CLPX: variants seen among roughly 807,000 people sequenced by gnomAD.
CLPX encodes the protein caseinolytic mitochondrial matrix peptidase chaperone subunit X.
A neutral mutation model predicts 76.4 loss-of-function variants in CLPX; 34 were observed. The ratio of observed to expected loss-of-function variants is 0.45; its 90% confidence interval spans 0.34 to 0.59. The LOEUF is 0.59. Ranked by LOEUF, CLPX falls within the 20% of genes least tolerant of loss-of-function variation. CLPX has a pLI of 0.01. For missense variants in CLPX, 613 were observed against 757.0 expected, an observed-to-expected ratio of 0.81 and a Z score of 2.23; for synonymous variants, 248 against 270.9, an observed-to-expected ratio of 0.92 and a Z score of 0.83.
At chr15:65,170,616 T>G (rs1197339165) in intron 3 of CLPX, among the ~76,000 whole-genome samples, 1 of 151,602 alleles carries the variant, frequency 6.6e-6, no homozygotes, top group East Asian at 2.0e-4. Flanking sequence ...AATACAAAAA[T>G]TAGCCAGGTG....
At chr15:65,173,050 A>C (rs2088033092) in intron 3 of CLPX, among the ~76,000 whole-genome samples, 1 of 152,134 alleles carries the variant, frequency 6.6e-6, no homozygotes, top group African/African-American at 2.4e-5. Flanking sequence ...GCCCATGATG[A>C]GATACCACTT....
chr15:65,175,520 CA>C (rs958282071), intron 3 of CLPX, among the ~76,000 whole-genome samples: 2 of 152,002 alleles, frequency 1.3e-5, no homozygotes, highest in Non-Finnish European at 2.9e-5. Context: ...AAACAAAAAA[CA>C]AACAAAAAAA....
chr15:65,166,247 G>T (rs1366758299), intron 4 of CLPX, among the ~76,000 whole-genome samples: 1 of 152,030 alleles, frequency 6.6e-6, no homozygotes, highest in African/African-American at 2.4e-5. Flanking sequence ...GATAATTGCA[G>T]GCTTTTTTTT....
At chr15:65,170,241 G>A (rs1287643264) in intron 3 of CLPX, among the ~76,000 whole-genome samples, 4 of 151,864 alleles carry the variant, frequency 2.6e-5, no homozygotes, top group Non-Finnish European at 4.4e-5. Flanking sequence ...TCTCTTATAG[G>A]TACAGGTGGC....
In CLPX at chr15:65,155,768, G is replaced by T. The variant is rs1429901372; in HGVS notation, c.1235C>A (p.Thr412Lys). 2.5e-6 allele frequency: 4 copies of T among 1,613,914 alleles called. No homozygotes were observed. The highest frequency in any genetic ancestry group is 1.7e-6 in the Non-Finnish European group (2 of 1,179,854). ...KLRGETVQVD[T>K]TNILFVASGA... is the part of the protein sequence containing the mutation. ...AGATGCCACAAACAGGATGTTTGTTGTATCAACTTGAACTGTTTCTCCACG... is the reference window on the plus strand; with the variant it reads ...AGATGCCACAAACAGGATGTTTGTTTTATCAACTTGAACTGTTTCTCCACG... The change falls in exon 10 of 14, where the codon ACA (threonine) becomes AAA (lysine). Residue 412 changes from threonine (T) to lysine (K), a missense_variant. Physicochemically the swap from Thr to Lys is moderately conservative, Grantham distance 78. Coordinates refer to ENST00000300107, the MANE Select transcript of CLPX (RefSeq NM_006660.5).
intron 4 of CLPX, among the ~76,000 whole-genome samples, chr15:65,165,920 G>A (rs934678495): frequency 6.6e-6 from 1 of 152,162 alleles, no homozygotes; most frequent in Admixed American, 6.5e-5. Context: ...CACAGTAGAA[G>A]AAAGATACAC....
At chr15:65,154,346 C>T (rs1323062063) in intron 11 of CLPX, among the ~76,000 whole-genome samples, 1 of 152,160 alleles carries the variant, frequency 6.6e-6, no homozygotes, top group Non-Finnish European at 1.5e-5. Context: ...GTTCACAAAA[C>T]CCAAACCATT....
intron 1 of CLPX, among the ~76,000 whole-genome samples, chr15:65,182,162 T>C (rs965656766): frequency 1.3e-5 from 2 of 149,162 alleles, no homozygotes; most frequent in South Asian, 2.1e-4. Context: ...GAAAAAGTAA[T>C]TGAGGGAGAG....
chr15:65,185,185 C>G lies in CLPX; in HGVS notation c.-32G>C. 2 of 1,531,032 alleles carry G rather than the reference C, an allele frequency of 1.3e-6. No homozygotes were observed. The highest frequency in any genetic ancestry group is 1.8e-6 in the Non-Finnish European group (2 of 1,129,316). 94.8% of individuals were successfully genotyped at this position (1,531,032 alleles called of 1,614,324 possible). A position where few individuals can be genotyped will look rare whatever the true frequency, so the allele number is the denominator to read the frequency against. Reference sequence around the variant, plus strand: ...GAGGCCTAGGCCGGGGCTTCGCCCCCTGAGGACCTCCGGGTCACAGCGGCG... The same window carrying G: ...GAGGCCTAGGCCGGGGCTTCGCCCCGTGAGGACCTCCGGGTCACAGCGGCG... On this transcript the variant is annotated 5_prime_UTR_variant, in exon 1 of 14. Transcript: ENST00000300107.
At chr15:65,181,614 G>A (rs1036894530) in intron 1 of CLPX, among the ~76,000 whole-genome samples, 3 of 151,860 alleles carry the variant, frequency 2.0e-5, no homozygotes, top group African/African-American at 4.8e-5. Context: ...GTAGCCAGGC[G>A]TGGTGACAGG....
chr15:65,177,198 A>G (rs1406238755), intron 3 of CLPX, among the ~76,000 whole-genome samples: 2 of 151,726 alleles, frequency 1.3e-5, no homozygotes, highest in African/African-American at 4.8e-5. Flanking sequence ...CCTCCCGAAC[A>G]GCTGGGACTT....
chr15:65,179,252 A>G (rs1014525185), intron 2 of CLPX, among the ~76,000 whole-genome samples: 2 of 152,250 alleles, frequency 1.3e-5, no homozygotes, highest in Non-Finnish European at 2.9e-5. Flanking sequence ...TAGTAAATAC[A>G]TATATATCTG....
chr15:65,179,214 CTATT>C (rs935967412), intron 2 of CLPX, among the ~76,000 whole-genome samples, 163 bp from the exon 3 acceptor site: 3 of 152,168 alleles, frequency 2.0e-5, no homozygotes, highest in African/African-American at 7.2e-5. Context: ...GTCAGAAGAT[CTATT>C]TACTTCAAAA....
intron 3 of CLPX, 61 bp downstream of exon 3, chr15:65,178,873 T>C: frequency 1.1e-6 from 1 of 918,020 alleles, no homozygotes; most frequent in East Asian, 2.5e-5. Flanking sequence ...CATATTTTTA[T>C]ACACTTAGTA....
chr15:65,157,721 G>A (rs1380867648), intron 8 of CLPX, 25 bp downstream of exon 8: 1 of 1,596,268 alleles, frequency 6.3e-7, no homozygotes, highest in Non-Finnish European at 8.5e-7. Flanking sequence ...TCTAAATCTG[G>A]GGACAGACCA....
At chr15:65,165,319 A>G (rs2087896276) in intron 4 of CLPX, among the ~76,000 whole-genome samples, 1 of 151,858 alleles carries the variant, frequency 6.6e-6, no homozygotes, top group Admixed American at 6.6e-5. Context: ...ACAGAGTGAA[A>G]CCCTGATTAA....
At chr15:65,174,479 G>A (rs1377560731) in intron 3 of CLPX, among the ~76,000 whole-genome samples, 1 of 151,020 alleles carries the variant, frequency 6.6e-6, no homozygotes, top group East Asian at 1.9e-4. Flanking sequence ...TGGTCAGGCT[G>A]GTCTCAAACT....
chr15:65,164,151 G>C lies in CLPX; in HGVS notation c.551C>G (p.Ser184Ter). ...AACTGAAAGCACCTTCTTAGCAAAT[G>C]ACTGGCCAACAACATACTTGTCGAG... ...NYLDKYVVGQ[S>*]FAKKVLSVAV... The change falls in exon 5 of 14, where the codon TCA (serine) becomes TGA (stop). Residue 184 changes from serine to a stop codon, truncating the protein, a stop_gained. Coordinates refer to ENST00000300107, the MANE Select transcript of CLPX (RefSeq NM_006660.5). LOFTEE classifies it high-confidence loss of function. 6.2e-7 allele frequency: 1 copy of C among 1,612,286 alleles called. No individual in the cohort carries two copies. Among genetic ancestry groups the C allele is most frequent in the Non-Finnish European group, 8.5e-7 (1 of 1,179,096 alleles).
chr15:65,153,021 T>C (rs2087743638), intron 12 of CLPX, among the ~76,000 whole-genome samples: 1 of 152,016 alleles, frequency 6.6e-6, no homozygotes, highest in African/African-American at 2.4e-5. Context: ...GTGTTGGGAT[T>C]TATAGGTGTG....
Sources: allele counts gnomAD v4.1 joint callset (sites outside exome capture counted in the v4.1 genomes callset), GRCh38; gene constraint gnomAD v4.1.1; transcripts MANE v1.5; gene names NCBI Gene and HGNC (gene_info 2026-07-23, HGNC 2026-07-21).